ARHGAP26: variants seen among roughly 807,000 people sequenced by gnomAD.
ARHGAP26 encodes the protein rho GTPase-activating protein 26.
ARHGAP26 carries 38 observed loss-of-function variants against 104.8 expected under a neutral mutation model. That is an observed-to-expected ratio of 0.36 (90% CI 0.28 to 0.48). ARHGAP26 has a LOEUF of 0.48. Among genes scored for constraint, ARHGAP26 ranks in the 20% least tolerant of loss-of-function variants. The probability of loss-of-function intolerance (pLI) is 0.99; values close to 1 mark genes in which losing one functional copy is unlikely to be tolerated. For synonymous variants in ARHGAP26, 341 were observed against 340.0 expected (o/e 1.00, Z -0.03); for missense variants, 704 against 947.9 (o/e 0.74, Z 3.38).
At chr5:143,108,419 T>A (rs1794325380) in intron 17 of ARHGAP26, among the ~76,000 whole-genome samples, 1 of 152,220 alleles carries the variant, frequency 6.6e-6, no homozygotes, top group East Asian at 1.9e-4. Context: ...CATAAACTTT[T>A]CTGGACACCA....
At chr5:142,880,347 G>A (rs946988834) in intron 4 of ARHGAP26, among the ~76,000 whole-genome samples, 1 of 152,088 alleles carries the variant, frequency 6.6e-6, no homozygotes, top group Non-Finnish European at 1.5e-5. Context: ...GCGAAACCCC[G>A]TCTCTACTAA....
chr5:143,009,526 A>G (rs747899932), intron 11 of ARHGAP26, among the ~76,000 whole-genome samples: 2 of 152,222 alleles, frequency 1.3e-5, no homozygotes, highest in Non-Finnish European at 2.9e-5. Context: ...GAATAAGACA[A>G]TGCACACAGA....
At chr5:143,019,109 A>G (rs1380497248) in intron 12 of ARHGAP26, among the ~76,000 whole-genome samples, 1 of 152,148 alleles carries the variant, frequency 6.6e-6, no homozygotes, top group Non-Finnish European at 1.5e-5. Flanking sequence ...CCTGCTACCC[A>G]TGGGGACCCT....
At chr5:142,888,685 A>T (rs538135667) in intron 5 of ARHGAP26, among the ~76,000 whole-genome samples, 1 of 152,326 alleles carries the variant, frequency 6.6e-6, no homozygotes, top group Admixed American at 6.5e-5. Flanking sequence ...TGGCACTGCC[A>T]TCTAGTGGAT....
chr5:142,774,931 G>A (rs1217523122), intron 1 of ARHGAP26, among the ~76,000 whole-genome samples: 1 of 151,618 alleles, frequency 6.6e-6, no homozygotes, highest in South Asian at 2.1e-4. Flanking sequence ...TCTTTTTATT[G>A]CTGAATAATA....
intron 11 of ARHGAP26, among the ~76,000 whole-genome samples, chr5:142,947,801 C>T (rs1429280038): frequency 6.6e-6 from 1 of 152,156 alleles, no homozygotes; most frequent in Non-Finnish European, 1.5e-5. Flanking sequence ...ATCCCAGAAC[C>T]TAGAACAGCC....
At chr5:143,058,070 G>C (rs1006116215) in intron 17 of ARHGAP26, 4 of 545,454 alleles carry the variant, frequency 7.3e-6, no homozygotes, top group Non-Finnish European at 1.4e-5. Flanking sequence ...AATTTTGTGG[G>C]ATTATATGTT....
In ARHGAP26 at chr5:143,108,370, G is replaced by C. The variant is rs1292231196; in HGVS notation, c.1539-12618G>C. 1.7e-4 allele frequency among the ~76,000 whole-genome samples: 26 copies of C among 152,170 alleles called. 1 individual carries two copies. Among genetic ancestry groups the C allele is most frequent in the Non-Finnish European group, 2.5e-4 (17 of 68,028 alleles). On this transcript the variant is annotated intron_variant, in intron 17 of 22. Coordinates refer to ENST00000645722, the MANE Select transcript of ARHGAP26 (RefSeq NM_001135608.3). The stretch of plus-strand genomic sequence containing the variant: ...CTTTTACCGTATGAATTGACCTCCA[G>C]AACTTTCCCATGGGGTCTCAGCTCT...
At chr5:142,884,008 A>G (rs6875182) in intron 4 of ARHGAP26, among the ~76,000 whole-genome samples, 19,415 of 152,212 alleles carry the variant, frequency 0.13, 2,534 homozygotes, top group African/African-American at 0.33. Flanking sequence ...TTATTTGGCC[A>G]GAAAATATTT....
At chr5:142,844,051 G>GTTTTTT (rs34122289) in intron 1 of ARHGAP26, among the ~76,000 whole-genome samples, 8 of 132,148 alleles carry the variant, frequency 6.1e-5, no homozygotes, top group African/African-American at 2.3e-4. Flanking sequence ...CTAAAAGTGA[G>GTTTTTT]TTTTTTTTTT....
At chr5:143,144,372 G>A (rs1399214719) in intron 19 of ARHGAP26, among the ~76,000 whole-genome samples, 2 of 152,000 alleles carry the variant, frequency 1.3e-5, no homozygotes, top group African/African-American at 4.8e-5. Context: ...TTCCTGTTTC[G>A]AGTGACATTA....
At chr5:142,776,865 G>A (rs998909367) in intron 1 of ARHGAP26, among the ~76,000 whole-genome samples, 2 of 152,108 alleles carry the variant, frequency 1.3e-5, no homozygotes, top group Admixed American at 1.3e-4. Flanking sequence ...CAGAAGCACC[G>A]TTTCACATTC....
At chr5:142,818,189 A>G (rs1006088752) in intron 1 of ARHGAP26, among the ~76,000 whole-genome samples, 3 of 152,012 alleles carry the variant, frequency 2.0e-5, no homozygotes, top group Non-Finnish European at 4.4e-5. Flanking sequence ...GTGGGACCAC[A>G]AAGGAGAATG....
chr5:143,204,697 C>A (rs536218817), intron 20 of ARHGAP26, among the ~76,000 whole-genome samples: 21 of 152,186 alleles, frequency 1.4e-4, no homozygotes, highest in African/African-American at 5.1e-4. Context: ...CATTTAGAAC[C>A]CACATTGTGT....
chr5:142,828,411 C>A (rs902058688), intron 1 of ARHGAP26, among the ~76,000 whole-genome samples: 4 of 151,982 alleles, frequency 2.6e-5, no homozygotes, highest in African/African-American at 9.7e-5. Flanking sequence ...TTTTTTATTT[C>A]TTTTAAGCCC....
chr5:142,826,157 T>C (rs11956297), intron 1 of ARHGAP26, among the ~76,000 whole-genome samples: 1,673 of 152,312 alleles, frequency 0.011, 15 homozygotes, highest in Middle Eastern at 0.034. Flanking sequence ...GGATATGATA[T>C]GTGATCAAAT....
At chr5:143,132,102 T>G (rs558001483) in intron 18 of ARHGAP26, among the ~76,000 whole-genome samples, 1 of 152,192 alleles carries the variant, frequency 6.6e-6, no homozygotes, top group South Asian at 2.1e-4. Flanking sequence ...CAGTTTATCT[T>G]GTTGAAAATT....
intron 17 of ARHGAP26, among the ~76,000 whole-genome samples, chr5:143,118,070 G>A (rs544519579): frequency 1.3e-5 from 2 of 152,306 alleles, no homozygotes; most frequent in Non-Finnish European, 1.5e-5. Flanking sequence ...GGGTATAGAG[G>A]ATTGGAGAAA....
At chr5:142,822,420 T>C (rs750280193) in intron 1 of ARHGAP26, among the ~76,000 whole-genome samples, 5 of 152,186 alleles carry the variant, frequency 3.3e-5, no homozygotes, top group Non-Finnish European at 7.3e-5. Context: ...TGCTGAACTT[T>C]AGCTCACTGT....
Sources: gnomAD v4.1 joint callset for allele counts (sites outside exome capture counted in the v4.1 genomes callset) on GRCh38, gnomAD v4.1.1 for gene constraint, MANE v1.5 for transcripts, NCBI Gene and HGNC (gene_info 2026-07-23, HGNC 2026-07-21) for gene names.